DACH1: variants seen among roughly 807,000 people sequenced by gnomAD.
The protein encoded by DACH1 is dachshund homolog 1.
Under a neutral mutation model 54.2 loss-of-function variants are expected in DACH1, and 12 were observed. The ratio of observed to expected loss-of-function variants is 0.22; its 90% confidence interval spans 0.14 to 0.36. The LOEUF (loss-of-function observed/expected upper bound fraction) is 0.36, where lower values mean the gene tolerates loss of function less well. Ranked by LOEUF, DACH1 falls within the 10% of genes least tolerant of loss-of-function variation. DACH1 has a pLI of 1.00. For missense variants in DACH1, 805 were observed against 929.8 expected, an observed-to-expected ratio of 0.87 and a Z score of 1.75; for synonymous variants, 386 against 366.2, an observed-to-expected ratio of 1.05 and a Z score of -0.62.
chr13:71,720,673 A>G (rs1268539891), intron 1 of DACH1, among the ~76,000 whole-genome samples: 3 of 152,210 alleles, frequency 2.0e-5, no homozygotes, highest in Non-Finnish European at 4.4e-5. Flanking sequence ...CTGAAAGTGC[A>G]TTATATAAAT....
intron 1 of DACH1, among the ~76,000 whole-genome samples, chr13:71,813,093 T>C (rs890754151): frequency 1.1e-4 from 17 of 152,298 alleles, no homozygotes; most frequent in Admixed American, 8.5e-4. Context: ...GTCTAACAAA[T>C]ATAATGGACT....
chr13:71,658,132 T>C (rs1879258805), intron 2 of DACH1, among the ~76,000 whole-genome samples: 1 of 152,198 alleles, frequency 6.6e-6, no homozygotes. Context: ...TGTTTGAAAA[T>C]ATCATATCAC....
chr13:71,732,294 C>T (rs1883785017), intron 1 of DACH1, among the ~76,000 whole-genome samples: 1 of 151,988 alleles, frequency 6.6e-6, no homozygotes, highest in Non-Finnish European at 1.5e-5. Context: ...GCCTAAAAAT[C>T]ACCAACTGGG....
At chr13:71,694,456 A>G (rs1363203188) in intron 1 of DACH1, among the ~76,000 whole-genome samples, 1 of 35,410 alleles carries the variant, frequency 2.8e-5, no homozygotes, top group Non-Finnish European at 7.5e-5. Context: ...CCTGACATAG[A>G]TGATACCTAC....
chr13:71,592,830 T>C (rs1873832850), intron 3 of DACH1, among the ~76,000 whole-genome samples: 1 of 152,308 alleles, frequency 6.6e-6, no homozygotes, highest in East Asian at 1.9e-4. Context: ...AAAGTATTCA[T>C]CTTCAGTCTT....
intron 8 of DACH1, among the ~76,000 whole-genome samples, chr13:71,476,299 T>C (rs903340610): frequency 6.6e-6 from 1 of 152,152 alleles, no homozygotes. Context: ...AAATGGAGCA[T>C]CTCCCCTAAA....
intron 2 of DACH1, among the ~76,000 whole-genome samples, chr13:71,678,210 T>C (rs934863680): frequency 1.3e-5 from 2 of 152,184 alleles, no homozygotes; most frequent in Non-Finnish European, 2.9e-5. Context: ...ATTCCCCAAA[T>C]ACACTAAAGC....
chr13:71,659,922 G>T (rs1879382527), intron 2 of DACH1, among the ~76,000 whole-genome samples: 1 of 151,968 alleles, frequency 6.6e-6, no homozygotes, highest in African/African-American at 2.4e-5. Context: ...CTTTTTCTGT[G>T]TGTTATGTGT....
chr13:71,602,977 A>G (rs1874614061), intron 3 of DACH1, among the ~76,000 whole-genome samples: 1 of 151,986 alleles, frequency 6.6e-6, no homozygotes, highest in African/African-American at 2.4e-5. Flanking sequence ...TTTAACTAGT[A>G]AAATACACTT....
At chr13:71,557,238 C>A (rs1884313580) in intron 5 of DACH1, 80 bp from the exon 6 acceptor site, 5 of 1,237,866 alleles carry the variant, frequency 4.0e-6, no homozygotes, top group East Asian at 5.3e-5. Context: ...GTCAATTAAA[C>A]TCTCTTGGAC....
chr13:71,638,439 G>T (rs1280050571), intron 2 of DACH1, among the ~76,000 whole-genome samples: 1 of 152,102 alleles, frequency 6.6e-6, no homozygotes, highest in Non-Finnish European at 1.5e-5. Flanking sequence ...AAATGAAGGG[G>T]CACATCATTT....
At chr13:71,861,355 A>G (rs192188716) in intron 1 of DACH1, among the ~76,000 whole-genome samples, 217 of 152,116 alleles carry the variant, frequency 1.4e-3, no homozygotes, top group Middle Eastern at 0.01. Context: ...CATCATAACC[A>G]TGTTCACTTT....
intron 1 of DACH1, among the ~76,000 whole-genome samples, chr13:71,720,659 G>T (rs1052076163): frequency 2.0e-5 from 3 of 152,088 alleles, no homozygotes; most frequent in African/African-American, 7.2e-5. Context: ...AGATAATGCT[G>T]CAGCTGAAAG....
chr13:71,768,077 G>A (rs1885711431), intron 1 of DACH1, among the ~76,000 whole-genome samples: 1 of 151,874 alleles, frequency 6.6e-6, no homozygotes, highest in African/African-American at 2.4e-5. Context: ...ATTTCAGAAT[G>A]TTAAGTATAT....
At chr13:71,778,558 AT>A (rs769218603) in intron 1 of DACH1, among the ~76,000 whole-genome samples, 3 of 152,028 alleles carry the variant, frequency 2.0e-5, no homozygotes, top group Non-Finnish European at 4.4e-5. Flanking sequence ...TAGTAAAAAA[AT>A]CTTAATTTTC....
intron 1 of DACH1, among the ~76,000 whole-genome samples, chr13:71,699,750 G>A (rs1463527686): frequency 6.6e-6 from 1 of 152,120 alleles, no homozygotes; most frequent in African/African-American, 2.4e-5. Flanking sequence ...ATATTTGAAG[G>A]GATGCCTTGA....
chr13:71,793,990 T>C (rs1566504156), intron 1 of DACH1, among the ~76,000 whole-genome samples: 1 of 152,168 alleles, frequency 6.6e-6, no homozygotes. Flanking sequence ...TCAATATGTT[T>C]TGAGACTTTA....
At chr13:71,693,334 G>T (rs1180803112) in intron 1 of DACH1, among the ~76,000 whole-genome samples, 3 of 116,154 alleles carry the variant, frequency 2.6e-5, no homozygotes, top group Non-Finnish European at 4.8e-5. Context: ...CAAGAGTCTC[G>T]CTCTGTCGCC....
At chr13:71,797,325 T>A (rs1458192945) in intron 1 of DACH1, among the ~76,000 whole-genome samples, 1 of 152,120 alleles carries the variant, frequency 6.6e-6, no homozygotes, top group African/African-American at 2.4e-5. Context: ...TTCCATGTGA[T>A]GTGATCAAAA....
Sources: gnomAD v4.1 joint callset for allele counts (sites outside exome capture counted in the v4.1 genomes callset) on GRCh38, gnomAD v4.1.1 for gene constraint, MANE v1.5 for transcripts, NCBI Gene and HGNC (gene_info 2026-07-23, HGNC 2026-07-21) for gene names.